Variants in CELF1 observed in about 807,000 individuals in gnomAD.
The protein encoded by CELF1 is 50 kDa nuclear polyadenylated RNA-binding protein.
In CELF1, 10 loss-of-function variants were observed where a neutral mutation model predicts 61.8. That is an observed-to-expected ratio of 0.16 (90% CI 0.10 to 0.27). The LOEUF (loss-of-function observed/expected upper bound fraction) is 0.27, where lower values mean the gene tolerates loss of function less well. CELF1 is among the 10% of genes least tolerant of loss of function. The pLI is 1.00. For synonymous variants in CELF1, 236 were observed against 225.1 expected (o/e 1.05, Z -0.43); for missense variants, 380 against 639.1 (o/e 0.59, Z 4.37).
intron 1 of CELF1, among the ~76,000 whole-genome samples, chr11:47,564,634 A>C (rs2097238732): frequency 6.8e-6 from 1 of 147,464 alleles, no homozygotes; most frequent in Non-Finnish European, 1.5e-5. Flanking sequence ...CTCTACTAAA[A>C]ACAAAAGTTA....
In CELF1 at chr11:47,477,463, G is replaced by C. The variant is rs566440139; in HGVS notation, c.845-38C>G. 2.3e-5 allele frequency: 37 copies of C among 1,607,140 alleles called. No individual in the cohort carries two copies. The South Asian group carries it at 3.7e-4, about 16-fold the overall frequency. The stretch of plus-strand genomic sequence containing the variant: ...AAGCAAGAGATTAGCCAGCAGATAA[G>C]GGTGCTTCATATCCATTCCAGCAAT... On this transcript the variant is annotated intron_variant, in intron 10 of 14. Transcript: ENST00000687097.
At chr11:47,511,063 TG>T (rs955919092) in intron 1 of CELF1, among the ~76,000 whole-genome samples, 10 of 151,982 alleles carry the variant, frequency 6.6e-5, no homozygotes, top group African/African-American at 2.2e-4. Flanking sequence ...GACATGTGTC[TG>T]TAGTCCCAGC....
intron 1 of CELF1, among the ~76,000 whole-genome samples, chr11:47,531,281 A>AC (rs2096464080): frequency 6.6e-6 from 1 of 151,880 alleles, no homozygotes; most frequent in African/African-American, 2.4e-5. Flanking sequence ...ACAAAAAAAA[A>AC]CAAACAGGCC....
intron 2 of CELF1, among the ~76,000 whole-genome samples, chr11:47,560,310 G>A (rs983863044): frequency 1.5e-4 from 23 of 151,944 alleles, no homozygotes; most frequent in African/African-American, 5.3e-4. Context: ...GAACAGAAAA[G>A]GCCAGAGGCA....
intron 1 of CELF1, among the ~76,000 whole-genome samples, chr11:47,543,429 CA>C (rs1312753374): frequency 1.3e-5 from 2 of 152,028 alleles, no homozygotes; most frequent in African/African-American, 4.8e-5. Flanking sequence ...AAAAAAGCCC[CA>C]AACTTTACAA....
In CELF1 at chr11:47,473,054, A is replaced by G. The variant is rs377084113; in HGVS notation, c.1417+34T>C. 3.7e-6 allele frequency: 6 copies of G among 1,606,840 alleles called. No homozygotes were observed. In the African/African-American group the frequency reaches 8.0e-5, roughly 21 times the overall value. On this transcript the variant is annotated intron_variant, in intron 14 of 14. Coordinates refer to ENST00000687097, the MANE Select transcript of CELF1 (RefSeq NM_001376376.1). Reference sequence around the variant, plus strand: ...CTTCTTTCTCAGTGGTAAAATACTAATCCCATCCTGACACCAGAGAGAAGC... The same window carrying G: ...CTTCTTTCTCAGTGGTAAAATACTAGTCCCATCCTGACACCAGAGAGAAGC...
Position 47,475,394 on chromosome 11 carries a change from C to T in CELF1, c.1215G>A (p.Leu405=), listed in dbSNP as rs1225277128. Residue 405 remains leucine, a synonymous_variant, in exon 13 of 15, where the codon CTG becomes CTA. Coordinates refer to ENST00000687097, the MANE Select transcript of CELF1 (RefSeq NM_001376376.1). The part of the protein sequence containing the change: ...QQYAAAALPT[L]YNQNLLTQQS... ...GCTGTGTCAGAAGATTCTGGTTGTACAGAGTGGGGAGCGCAGCAGCAGCAT... is the reference window on the plus strand; with the variant it reads ...GCTGTGTCAGAAGATTCTGGTTGTATAGAGTGGGGAGCGCAGCAGCAGCAT... 1 of 1,613,972 alleles carries T rather than the reference C, an allele frequency of 6.2e-7. No individual in the cohort carries two copies. The highest frequency in any genetic ancestry group is 1.3e-5 in the African/African-American group (1 of 74,916).
chr11:47,489,301 C>T (rs537114954), intron 3 of CELF1, among the ~76,000 whole-genome samples: 1 of 152,102 alleles, frequency 6.6e-6, no homozygotes, highest in Admixed American at 6.6e-5. Context: ...ATGAGAATTA[C>T]CATGCTAGAG....
chr11:47,538,066 C>A (rs926685073), intron 1 of CELF1, among the ~76,000 whole-genome samples: 2 of 152,016 alleles, frequency 1.3e-5, no homozygotes, highest in South Asian at 4.1e-4. Flanking sequence ...CAGGTGTGCA[C>A]CACCATGCCT....
chr11:47,527,247 C>T (rs184446132), intron 1 of CELF1, among the ~76,000 whole-genome samples: 6 of 151,204 alleles, frequency 4.0e-5, no homozygotes, highest in Admixed American at 6.6e-5. Flanking sequence ...AAAAATTAGC[C>T]GGACATGGTG....
chr11:47,474,143 T>C (rs755137292), intron 13 of CELF1, among the ~76,000 whole-genome samples: 16 of 152,206 alleles, frequency 1.1e-4, no homozygotes, highest in Non-Finnish European at 2.1e-4. Flanking sequence ...ATGATCTGCC[T>C]GCCTTGGCCT....
chr11:47,519,585 G>A (rs921309381), intron 1 of CELF1, among the ~76,000 whole-genome samples: 6 of 152,030 alleles, frequency 3.9e-5, no homozygotes, highest in Middle Eastern at 3.4e-3. Flanking sequence ...GGTGCTTCTC[G>A]CCGGGCGTGG....
intron 3 of CELF1, among the ~76,000 whole-genome samples, chr11:47,498,677 T>C (rs1185553123): frequency 3.3e-5 from 5 of 152,196 alleles, no homozygotes; most frequent in Non-Finnish European, 5.9e-5. Context: ...AAATCAGGGG[T>C]TGGAAATGTG....
At chr11:47,543,262 G>A (rs942093514) in intron 1 of CELF1, among the ~76,000 whole-genome samples, 2 of 152,108 alleles carry the variant, frequency 1.3e-5, no homozygotes, top group African/African-American at 2.4e-5. Context: ...TTAGCCAAGC[G>A]TGGTGTTGCG....
At chr11:47,481,555 T>G (rs1351286011) in intron 9 of CELF1, among the ~76,000 whole-genome samples, 3 of 152,226 alleles carry the variant, frequency 2.0e-5, no homozygotes, top group African/African-American at 7.2e-5. Flanking sequence ...CTTGAAATGA[T>G]GAGGAATAAA....
intron 1 of CELF1, among the ~76,000 whole-genome samples, chr11:47,534,755 G>A (rs1192217744): frequency 6.6e-6 from 1 of 152,014 alleles, no homozygotes; most frequent in Non-Finnish European, 1.5e-5. Context: ...AATAAAATAA[G>A]CCAAGAGAAG....
At chr11:47,557,312 G>A (rs1300110901), upstream of CELF1, among the ~76,000 whole-genome samples, 2 of 147,924 alleles carry the variant, frequency 1.4e-5, no homozygotes, top group Admixed American at 6.8e-5. Flanking sequence ...TCCCCCTCCC[G>A]GGTTCAAGCG....
chr11:47,488,749 T>A (rs1350904474), intron 4 of CELF1, 88 bp downstream of exon 4: 43 of 1,078,828 alleles, frequency 4.0e-5, no homozygotes, highest in Non-Finnish European at 5.2e-5. Context: ...AAAATCCAAT[T>A]TTTTGTATCC....
Position 47,476,964 on chromosome 11 carries a change from T to A in CELF1, c.974-5A>T, listed in dbSNP as rs756489208. 6.2e-7 allele frequency: 1 copy of A among 1,609,920 alleles called. No homozygotes were observed. The highest frequency in any genetic ancestry group is 1.1e-5 in the South Asian group (1 of 90,984). On this transcript the variant is annotated splice_polypyrimidine_tract_variant and splice_region_variant and intron_variant, in intron 11 of 14. Coordinates refer to ENST00000687097, the MANE Select transcript of CELF1 (RefSeq NM_001376376.1). ...TAGAGCTAGGTGAGGACCCTGCTAT[T>A]AGAAAGCAAGGAGTTAAAATTCAAC...
Sources: gnomAD v4.1 joint callset for allele counts (sites outside exome capture counted in the v4.1 genomes callset) on GRCh38, gnomAD v4.1.1 for gene constraint, MANE v1.5 for transcripts, NCBI Gene and HGNC (gene_info 2026-07-23, HGNC 2026-07-21) for gene names.